SHISA9: variants seen among roughly 807,000 people sequenced by gnomAD.
SHISA9 encodes the protein protein shisa-9.
SHISA9 carries 13 observed loss-of-function variants against 38.0 expected under a neutral mutation model. That is an observed-to-expected ratio of 0.34 (90% CI 0.22 to 0.54). SHISA9 has a LOEUF of 0.54. Among genes scored for constraint, SHISA9 ranks in the 20% least tolerant of loss-of-function variants. SHISA9 has a pLI of 0.91. For missense variants in SHISA9, 538 were observed against 575.8 expected, an observed-to-expected ratio of 0.93 and a Z score of 0.67; for synonymous variants, 275 against 242.0, an observed-to-expected ratio of 1.14 and a Z score of -1.27.
At chr16:13,356,469 G>T in the SHISA9 span, among the ~76,000 whole-genome samples, 1 of 152,144 alleles carries the variant, frequency 6.6e-6, no homozygotes, top group Non-Finnish European at 1.5e-5. Context: ...ACCTTTTTAA[G>T]AGTAAATTGC....
At chr16:13,149,240 G>C (rs1050015414) in intron 2 of SHISA9, among the ~76,000 whole-genome samples, 1 of 152,170 alleles carries the variant, frequency 6.6e-6, no homozygotes, top group Non-Finnish European at 1.5e-5. Context: ...TGGGAGACAA[G>C]TGTTTGGGGA....
At chr16:13,158,451 CA>C (rs1250701036) in intron 2 of SHISA9, among the ~76,000 whole-genome samples, 1 of 152,196 alleles carries the variant, frequency 6.6e-6, no homozygotes, top group East Asian at 1.9e-4. Context: ...GAACTACCCC[CA>C]AAACCATGCC....
the SHISA9 span, among the ~76,000 whole-genome samples, chr16:13,510,664 T>G: frequency 6.6e-6 from 1 of 152,358 alleles, no homozygotes; most frequent in African/African-American, 2.4e-5. Flanking sequence ...GAAGTGACTA[T>G]TAAAAAATAA....
At chr16:13,267,965 C>A in the SHISA9 span, among the ~76,000 whole-genome samples, 1 of 150,530 alleles carries the variant, frequency 6.6e-6, no homozygotes, top group South Asian at 2.1e-4. Context: ...CCAAAGGATT[C>A]CTCCAGGAAA....
At chr16:13,198,851 A>C (rs982940805) in intron 2 of SHISA9, among the ~76,000 whole-genome samples, 2 of 152,198 alleles carry the variant, frequency 1.3e-5, no homozygotes, top group African/African-American at 2.4e-5. Flanking sequence ...TGAAACTGGA[A>C]ATGCACCTTC....
the SHISA9 span, among the ~76,000 whole-genome samples, chr16:13,308,169 A>G: frequency 6.6e-6 from 1 of 151,654 alleles, no homozygotes; most frequent in East Asian, 1.9e-4. Context: ...AGAGAATACA[A>G]TGTTCTGGGA....
chr16:12,947,274 A>T (rs1193654712), intron 2 of SHISA9, among the ~76,000 whole-genome samples: 1 of 152,210 alleles, frequency 6.6e-6, no homozygotes, highest in Non-Finnish European at 1.5e-5. Context: ...TAAGGTACAG[A>T]TCCTTCTCTC....
the SHISA9 span, among the ~76,000 whole-genome samples, chr16:13,508,760 G>C: frequency 6.6e-6 from 1 of 152,178 alleles, no homozygotes; most frequent in Non-Finnish European, 1.5e-5. Flanking sequence ...CTGTTCACTA[G>C]CTAAGAAACT....
chr16:13,108,041 A>C (rs2073943608), intron 2 of SHISA9, among the ~76,000 whole-genome samples: 1 of 152,188 alleles, frequency 6.6e-6, no homozygotes, highest in Non-Finnish European at 1.5e-5. Flanking sequence ...GGTGGTGATC[A>C]GAGCTGAGAA....
chr16:13,336,940 C>G, the SHISA9 span, among the ~76,000 whole-genome samples: 1 of 152,210 alleles, frequency 6.6e-6, no homozygotes, highest in Non-Finnish European at 1.5e-5. Flanking sequence ...ATACACAGCT[C>G]TCTCAGAGTT....
chr16:13,445,706 T>G, the SHISA9 span, among the ~76,000 whole-genome samples: 1 of 152,200 alleles, frequency 6.6e-6, no homozygotes, highest in Non-Finnish European at 1.5e-5. Context: ...ATGAGATTAA[T>G]CTAGGGACAA....
chr16:13,501,134 A>G, the SHISA9 span, among the ~76,000 whole-genome samples: 41 of 152,266 alleles, frequency 2.7e-4, no homozygotes, highest in South Asian at 8.3e-3. Flanking sequence ...CCAAGGGTGC[A>G]TTTGCCTCCC....
the SHISA9 span, among the ~76,000 whole-genome samples, chr16:13,471,240 C>T: frequency 3.3e-4 from 50 of 152,188 alleles, 1 homozygote; most frequent in South Asian, 1.9e-3. Flanking sequence ...TGGAACTGTC[C>T]GCCACAGCAG....
At chr16:13,404,673 C>A in the SHISA9 span, among the ~76,000 whole-genome samples, 1 of 152,120 alleles carries the variant, frequency 6.6e-6, no homozygotes, top group African/African-American at 2.4e-5. Flanking sequence ...TATATCCTGA[C>A]ACAAATAGAA....
At chr16:13,457,919 T>TCCTTCCTC in the SHISA9 span, among the ~76,000 whole-genome samples, 1 of 152,110 alleles carries the variant, frequency 6.6e-6, no homozygotes, top group Non-Finnish European at 1.5e-5. Context: ...TATTTTTCCT[T>TCCTTCCTC]CCTTCCTCCC....
the SHISA9 span, among the ~76,000 whole-genome samples, chr16:13,306,951 C>T: frequency 2.0e-5 from 3 of 152,090 alleles, no homozygotes; most frequent in Non-Finnish European, 4.4e-5. Flanking sequence ...GTAGTAGATA[C>T]TTAATAAATA....
At chr16:13,511,170 C>G in the SHISA9 span, among the ~76,000 whole-genome samples, 1 of 152,180 alleles carries the variant, frequency 6.6e-6, no homozygotes, top group African/African-American at 2.4e-5. Flanking sequence ...TAAAGTCATT[C>G]ATAAGTAGAA....
chr16:12,913,983 C>T (rs530328170), intron 1 of SHISA9, among the ~76,000 whole-genome samples: 123 of 151,810 alleles, frequency 8.1e-4, no homozygotes, highest in Non-Finnish European at 1.1e-3. Context: ...CTCTCTTGAT[C>T]ACATTACTCT....
At chr16:13,373,839 T>C in the SHISA9 span, among the ~76,000 whole-genome samples, 1 of 151,658 alleles carries the variant, frequency 6.6e-6, no homozygotes, top group African/African-American at 2.4e-5. Flanking sequence ...TGAGGTAATG[T>C]ACATGCAGTG....
Sources: allele counts gnomAD v4.1 joint callset (sites outside exome capture counted in the v4.1 genomes callset), GRCh38; gene constraint gnomAD v4.1.1; transcripts MANE v1.5; gene names NCBI Gene and HGNC (gene_info 2026-07-23, HGNC 2026-07-21).